Variants in TLE1 observed in about 807,000 individuals in gnomAD.
The protein encoded by TLE1 is TLE family member 1, transcriptional corepressor, also known as transducin-like enhancer protein 1.
TLE1 carries 21 observed loss-of-function variants against 89.8 expected under a neutral mutation model. That is an observed-to-expected ratio of 0.23 (90% CI 0.17 to 0.34). TLE1 has a LOEUF of 0.34. TLE1 is among the 10% of genes least tolerant of loss of function. The pLI is 1.00. For missense variants in TLE1, 795 were observed against 1,031.2 expected (o/e 0.77, Z 3.14); for synonymous variants, 447 against 407.6 (o/e 1.10, Z -1.16).
chr9:81,601,572 A>G (rs1473430025), intron 14 of TLE1, among the ~76,000 whole-genome samples: 1 of 151,708 alleles, frequency 6.6e-6, no homozygotes, highest in East Asian at 1.9e-4. Flanking sequence ...CCAGGTATTT[A>G]TAGGGAGAAC....
chr9:81,634,251 A>T lies in TLE1; in HGVS notation c.423T>A (p.Val141=). 6.4e-7 allele frequency: 1 copy of T among 1,571,634 alleles called. No homozygotes were observed. The change falls in exon 7 of 20, where the codon GTT becomes GTA. Residue 141 remains valine, a synonymous_variant. Transcript: ENST00000376499. ...QHLSHGHGPP[V]PLTPHPSGLQ... ...GTCCCGAAGGGTGAGGCGTAAGGGGAACTGGGGGTCCGTGGCCATGAGAAA... is the reference window on the plus strand; with the variant it reads ...GTCCCGAAGGGTGAGGCGTAAGGGGTACTGGGGGTCCGTGGCCATGAGAAA...
intron 4 of TLE1, among the ~76,000 whole-genome samples, chr9:81,656,635 A>G (rs1178389076): frequency 1.3e-5 from 2 of 152,200 alleles, no homozygotes; most frequent in Non-Finnish European, 2.9e-5. Flanking sequence ...GACACATTTT[A>G]ATACCAAGGG....
In TLE1 at chr9:81,589,883, G is replaced by A. The variant is rs576397725; in HGVS notation, c.1829+922C>T. 1.1e-4 allele frequency among the ~76,000 whole-genome samples: 16 copies of A among 152,190 alleles called. No individual in the cohort carries two copies. In the East Asian group the frequency reaches 2.7e-3, roughly 26 times the overall value. ...CAAACAGAAGAGGAAAGTAACTGCC[G>A]CACTGTCACCCACACGCAGGGACCG... On this transcript the variant is annotated intron_variant, in intron 16 of 19. Coordinates refer to ENST00000376499, the MANE Select transcript of TLE1 (RefSeq NM_005077.5).
At chr9:81,587,203 A>AT (rs1828621634) in intron 17 of TLE1, among the ~76,000 whole-genome samples, 1 of 152,138 alleles carries the variant, frequency 6.6e-6, no homozygotes, top group Non-Finnish European at 1.5e-5. Context: ...GTATCTGTGC[A>AT]TTTTTTTGAG....
intron 19 of TLE1, 39 bp from the exon 20 acceptor site, chr9:81,584,344 C>T (rs141902665): frequency 1.9e-5 from 31 of 1,610,434 alleles, no homozygotes; most frequent in Middle Eastern, 1.7e-4. Context: ...TAATGTGGAA[C>T]AACGGTACTC....
At chr9:81,589,288 G>A (rs1829094401) in intron 16 of TLE1, among the ~76,000 whole-genome samples, 1 of 152,152 alleles carries the variant, frequency 6.6e-6, no homozygotes, top group Non-Finnish European at 1.5e-5. Context: ...TACAGTACCT[G>A]GCAGCTGCTC....
At chr9:81,645,641 G>C (rs1468335846) in intron 6 of TLE1, among the ~76,000 whole-genome samples, 2 of 151,730 alleles carry the variant, frequency 1.3e-5, no homozygotes, top group East Asian at 3.9e-4. Flanking sequence ...TTGGGAGGCT[G>C]AGGCAGGAGA....
chr9:81,687,931 G>A lies in TLE1; in HGVS notation c.24+286C>T, dbSNP rs561162065. Among the ~76,000 whole-genome samples, 27 of 152,230 alleles carry A rather than the reference G, an allele frequency of 1.8e-4. No individual in the cohort carries two copies. In the South Asian group the frequency reaches 5.0e-3, roughly 28 times the overall value. On this transcript the variant is annotated intron_variant, in intron 1 of 19. Transcript: ENST00000376499. ...GGGGGGGCGCCCTGCCCCCACTCGG[G>A]GAAGGTAGAGGGGATATGGCTGCAG...
At chr9:81,617,709 TAAATA>T (rs1824729317) in intron 9 of TLE1, among the ~76,000 whole-genome samples, 2 of 149,668 alleles carry the variant, frequency 1.3e-5, no homozygotes, top group Non-Finnish European at 1.5e-5. Context: ...CACAAAAAAA[TAAATA>T]AAATAAAGCC....
intron 4 of TLE1, among the ~76,000 whole-genome samples, chr9:81,656,102 C>G (rs1229955739): frequency 6.6e-6 from 1 of 152,040 alleles, no homozygotes; most frequent in Non-Finnish European, 1.5e-5. Flanking sequence ...GAGAGGAAGC[C>G]CGTGCATGAC....
intron 16 of TLE1, 79 bp from the exon 17 acceptor site, chr9:81,587,907 C>CATCCCGCCTGTGT: frequency 1.3e-6 from 1 of 752,286 alleles, no homozygotes; most frequent in Non-Finnish European, 2.0e-6. Context: ...AGTTTTGGAC[C>CATCCCGCCTGTGT]GTGTGTGTGT....
intron 4 of TLE1, among the ~76,000 whole-genome samples, chr9:81,659,744 G>A (rs576498076): frequency 6.6e-6 from 1 of 152,078 alleles, no homozygotes; most frequent in Non-Finnish European, 1.5e-5. Context: ...ACTGCTAGGG[G>A]TTCTATGTTA....
chr9:81,605,887 C>CTAA (rs1185421939), intron 14 of TLE1, among the ~76,000 whole-genome samples: 1 of 150,308 alleles, frequency 6.7e-6, no homozygotes, highest in Non-Finnish European at 1.5e-5. Flanking sequence ...TGACAAAGGG[C>CTAA]TAATATCCAG....
chr9:81,644,286 C>G (rs1828540024), intron 6 of TLE1, among the ~76,000 whole-genome samples: 1 of 152,174 alleles, frequency 6.6e-6, no homozygotes. Context: ...TTCATAGCAG[C>G]ATTATTCAAA....
At chr9:81,628,944 C>T (rs1826235445) in intron 8 of TLE1, among the ~76,000 whole-genome samples, 2 of 152,128 alleles carry the variant, frequency 1.3e-5, no homozygotes, top group African/African-American at 4.8e-5. Context: ...CCCAGTCCAT[C>T]CATGAATGCC....
At chr9:81,595,593 C>A (rs1045235545) in intron 14 of TLE1, among the ~76,000 whole-genome samples, 2 of 151,988 alleles carry the variant, frequency 1.3e-5, no homozygotes, top group Non-Finnish European at 2.9e-5. Flanking sequence ...CCAAGGCGGG[C>A]GGATCACGAG....
intron 4 of TLE1, among the ~76,000 whole-genome samples, chr9:81,673,248 G>T (rs971995462): frequency 5.5e-5 from 8 of 145,604 alleles, no homozygotes; most frequent in Admixed American, 4.2e-4. Context: ...ACTCCAGCCT[G>T]GGGGACAAGA....
At chr9:81,636,906 G>A (rs1827439518) in intron 6 of TLE1, among the ~76,000 whole-genome samples, 1 of 151,864 alleles carries the variant, frequency 6.6e-6, no homozygotes, top group African/African-American at 2.4e-5. Context: ...GGGAGGCTGA[G>A]GCAGGAGAAT....
intron 1 of TLE1, 57 bp downstream of exon 1, chr9:81,688,160 G>C: frequency 6.3e-7 from 1 of 1,596,550 alleles, no homozygotes; most frequent in Non-Finnish European, 8.5e-7. Context: ...CCTACCGCCC[G>C]GGAGAAGCGC....
Sources: gnomAD v4.1 joint callset for allele counts (sites outside exome capture counted in the v4.1 genomes callset) on GRCh38, gnomAD v4.1.1 for gene constraint, MANE v1.5 for transcripts, NCBI Gene and HGNC (gene_info 2026-07-23, HGNC 2026-07-21) for gene names.